Variants in IL17RA observed in about 807,000 individuals in gnomAD.
The protein encoded by IL17RA is interleukin-17 receptor A.
A neutral mutation model predicts 50.4 loss-of-function variants in IL17RA; 34 were observed. The observed-to-expected ratio is 0.67, with a 90% CI of 0.51 to 0.90. The LOEUF (loss-of-function observed/expected upper bound fraction) is 0.90, where lower values mean the gene tolerates loss of function less well. Ranked by LOEUF, IL17RA falls within the 40% of genes least tolerant of loss-of-function variation. The pLI is 0.00. For synonymous variants in IL17RA, 585 were observed against 510.4 expected (o/e 1.15, Z -1.97); for missense variants, 1,276 against 1,169.8 (o/e 1.09, Z -1.32).
rs540914818 is a variant in IL17RA, at chr22:17,096,437, G to A, written c.139-625G>A. Among the ~76,000 whole-genome samples the A allele has an allele frequency of 3.9e-5, 6 of 152,160 alleles. No homozygotes were observed. The South Asian group carries it at 8.3e-4, about 21-fold the overall frequency. On this transcript the variant is annotated intron_variant, in intron 1 of 12. Transcript: ENST00000319363. ...GTAAATATTGCCCTTCACCCCTTCC[G>A]CACCTCTTGCAGCAGTGTTATCCAG...
rs370875549 is a variant in IL17RA at position 17,105,848 on chromosome 22, C to A, written c.944-5C>A. The A allele has an allele frequency of 3.1e-6, 5 of 1,611,882 alleles. No homozygotes were observed. The South Asian group carries it at 5.5e-5, about 18-fold the overall frequency. On this transcript the variant is annotated splice_polypyrimidine_tract_variant and splice_region_variant and intron_variant, in intron 10 of 12. Transcript: ENST00000319363. ...GCATCACTCACGCTGTTCTGCTCAC[C>A]GCAGACTACATGCCCCTGTGGGTGT...
intron 1 of IL17RA, among the ~76,000 whole-genome samples, chr22:17,094,264 C>T (rs1230949333): frequency 6.6e-5 from 10 of 151,956 alleles, no homozygotes; most frequent in Non-Finnish European, 1.2e-4. Flanking sequence ...TGGGATTACA[C>T]GCATGAGCCA....
intron 1 of IL17RA, among the ~76,000 whole-genome samples, chr22:17,096,163 T>A (rs1193404717): frequency 6.6e-6 from 1 of 152,156 alleles, no homozygotes; most frequent in Non-Finnish European, 1.5e-5. Flanking sequence ...TGGTTACATT[T>A]CCCTGGTAGC....
chr22:17,106,907 C>T (rs1451781081), intron 11 of IL17RA, among the ~76,000 whole-genome samples: 2 of 152,112 alleles, frequency 1.3e-5, no homozygotes, highest in African/African-American at 2.4e-5. Flanking sequence ...TTCTGTTTTC[C>T]GAAGTGTCCT....
At chr22:17,099,004 C>G (rs931800741) in intron 4 of IL17RA, 117 bp downstream of exon 4, 4 of 836,350 alleles carry the variant, frequency 4.8e-6, no homozygotes, top group Non-Finnish European at 8.1e-6. Flanking sequence ...CTGAGGGAGT[C>G]TGTGGAATTC....
chr22:17,106,668 C>T (rs561313983), intron 11 of IL17RA, among the ~76,000 whole-genome samples: 11 of 152,268 alleles, frequency 7.2e-5, no homozygotes, highest in African/African-American at 1.7e-4. Flanking sequence ...CTGCTCCTTC[C>T]GTCATCTGGG....
rs2123786576 is a variant in IL17RA at position 17,085,114 on chromosome 22, C to T, written c.23C>T (p.Pro8Leu). 1.8e-5 allele frequency: 25 copies of T among 1,382,378 alleles called. No homozygotes were observed. Among genetic ancestry groups the T allele is most frequent in the East Asian group, 3.0e-5 (1 of 32,798 alleles). 85.6% of individuals were successfully genotyped at this position (1,382,378 alleles called of 1,614,324 possible). Residue 8 changes from proline to leucine, a missense_variant, in exon 1 of 13, where the codon CCG (proline) becomes CTG (leucine). Physicochemically the swap from Pro to Leu is moderately conservative, Grantham distance 98. Coordinates refer to ENST00000319363, the MANE Select transcript of IL17RA (RefSeq NM_014339.7). Reference protein sequence around the residue: MGAARSPPSAVPGPLLGL... With the variant: MGAARSPLSAVPGPLLGL... ...GCCATGGGGGCCGCACGCAGCCCGC[C>T]GTCCGCTGTCCCGGGGCCCCTGCTG...
rs1568925946 is a variant in IL17RA at position 17,112,941 on chromosome 22, TC to T, written c.*3124del. 6.6e-6 allele frequency: 1 copy of T among 150,796 alleles called. No individual in the cohort carries two copies. Among genetic ancestry groups the T allele is most frequent in the African/African-American group, 2.4e-5 (1 of 41,022 alleles). 9.3% of individuals were successfully genotyped at this position (150,796 alleles called of 1,614,324 possible). ...ACGCAGCCACCAACAAGCTCCCAAC[TC>T]CCGCGTAGAGTTTCATGACTTTTTC... On this transcript the variant is annotated 3_prime_UTR_variant, in exon 13 of 13. Coordinates refer to ENST00000319363, the MANE Select transcript of IL17RA (RefSeq NM_014339.7).
chr22:17,090,465 G>A (rs5748863), intron 1 of IL17RA, among the ~76,000 whole-genome samples: 81,753 of 151,932 alleles, frequency 0.54, 24,048 homozygotes, highest in Middle Eastern at 0.76. Flanking sequence ...GTCAAGTTAC[G>A]TATGGTGATC....
At chr22:17,089,306 T>C (rs1411162182) in intron 1 of IL17RA, among the ~76,000 whole-genome samples, 2 of 152,230 alleles carry the variant, frequency 1.3e-5, no homozygotes, top group African/African-American at 4.8e-5. Context: ...ATGCCAGCTC[T>C]GTGGGACCTT....
At chr22:17,085,338 G>T in intron 1 of IL17RA, 109 bp downstream of exon 1, 1 of 1,500,916 alleles carries the variant, frequency 6.7e-7, no homozygotes, top group Non-Finnish European at 8.9e-7. Context: ...GAGGCAGGAA[G>T]TCCGCGCCGC....
chr22:17,101,997 CTG>C lies in IL17RA; in HGVS notation c.555_556del (p.Cys185Ter). 1.2e-6 allele frequency: 2 copies of C among 1,614,236 alleles called. No individual in the cohort carries two copies. The highest frequency in any genetic ancestry group is 1.7e-6 in the Non-Finnish European group (2 of 1,180,044). On this transcript the variant is annotated frameshift_variant and splice_region_variant, in exon 6 of 13. Transcript: ENST00000319363. LOFTEE classifies it high-confidence loss of function. ...GTTTCCTTTTTTCTGGGTCGACAGA[CTG>C]TGAGCACGCCAGGATGAAGGTAACC... is the stretch of plus-strand genomic sequence containing the variant. ...HQSKNFLVPD[C>X]EHARMKVTTP...
chr22:17,094,652 A>ACT (rs1307011752), intron 1 of IL17RA, among the ~76,000 whole-genome samples: 13 of 17,752 alleles, frequency 7.3e-4, no homozygotes, highest in African/African-American at 3.9e-3. Context: ...TTAGTCATAC[A>ACT]CACACTCTCT....
chr22:17,092,169 C>T (rs1409678529), intron 1 of IL17RA, among the ~76,000 whole-genome samples: 2 of 152,138 alleles, frequency 1.3e-5, no homozygotes, highest in African/African-American at 2.4e-5. Context: ...TCCATAAAAA[C>T]GGGGTTCAGA....
In IL17RA at chr22:17,108,387, C is replaced by G. The variant is rs528982481; in HGVS notation, c.1168C>G (p.Leu390Val). Reference sequence around the variant, plus strand: ...GATCATCTACTCAGCCGACCACCCCCTCTACGTGGACGTGGTCCTGAAATT... The same window carrying G: ...GATCATCTACTCAGCCGACCACCCCGTCTACGTGGACGTGGTCCTGAAATT... ...VWIIYSADHP[L>V]YVDVVLKFAQ... Residue 390 changes from leucine (L) to valine (V), a missense_variant, in exon 13 of 13, where the codon CTC (leucine) becomes GTC (valine). Coordinates refer to ENST00000319363, the MANE Select transcript of IL17RA (RefSeq NM_014339.7). The G allele has an allele frequency of 3.1e-6, 5 of 1,613,958 alleles. No individual in the cohort carries two copies. The highest frequency in any genetic ancestry group is 2.2e-5 in the East Asian group (1 of 44,892).
chr22:17,107,331 C>A (rs1396566482), intron 11 of IL17RA, among the ~76,000 whole-genome samples: 1 of 152,200 alleles, frequency 6.6e-6, no homozygotes, highest in African/African-American at 2.4e-5. Context: ...TAATGAGGAA[C>A]CAGAATGGAC....
chr22:17,111,515 C>A lies in IL17RA; in HGVS notation c.*1695C>A, dbSNP rs1462196417. On this transcript the variant is annotated 3_prime_UTR_variant, in exon 13 of 13. Transcript: ENST00000319363. ...CAGCATTTGAAAAGAGGCTCTGAAG[C>A]CAGTGTTTGAAGAATTTGTTCCTGA... is the stretch of plus-strand genomic sequence containing the variant. 6.6e-6 allele frequency: 1 copy of A among 152,140 alleles called. No individual in the cohort carries two copies. The highest frequency in any genetic ancestry group is 2.4e-5 in the African/African-American group (1 of 41,422). 9.4% of individuals were successfully genotyped at this position (152,140 alleles called of 1,614,324 possible).
At position 17,102,302 on chromosome 22, in the gene IL17RA, G is replaced by A. The variant is rs1369717782; in HGVS notation, c.762G>A (p.Ala254=). 6 of 1,614,092 alleles carry A rather than the reference G, an allele frequency of 3.7e-6. No individual in the cohort carries two copies. Among genetic ancestry groups the A allele is most frequent in the East Asian group, 2.2e-5 (1 of 44,872 alleles). Residue 254 remains alanine, a splice_region_variant and synonymous_variant, in exon 7 of 13, where the codon GCG becomes GCA. Coordinates refer to ENST00000319363, the MANE Select transcript of IL17RA (RefSeq NM_014339.7). ...SCFEHMHHIP[A]PRPEEFHQRS... ...TTGAGCACATGCACCACATACCTGC[G>A]GTAACTCTGCTCTTTTTGACCCCTC... is the stretch of plus-strand genomic sequence containing the variant.
chr22:17,098,808 C>T lies in IL17RA; in HGVS notation c.344C>T (p.Ser115Phe). The change falls in exon 4 of 13, where the codon TCT becomes TTT. Residue 115 changes from serine to phenylalanine, a missense_variant. Transcript: ENST00000319363. The stretch of plus-strand genomic sequence containing the variant: ...CTGTACCTCGAGGGTGCAGAGTTAT[C>T]TGTCCTGCAGCTGAACACCAATGAA... ...SILYLEGAEL[S>F]VLQLNTNERL... is the part of the protein sequence containing the mutation. 1 of 1,614,244 alleles carries T rather than the reference C, an allele frequency of 6.2e-7. No homozygotes were observed. The highest frequency in any genetic ancestry group is 8.5e-7 in the Non-Finnish European group (1 of 1,180,034).
Sources: allele counts gnomAD v4.1 joint callset (sites outside exome capture counted in the v4.1 genomes callset), GRCh38; gene constraint gnomAD v4.1.1; transcripts MANE v1.5; gene names NCBI Gene and HGNC (gene_info 2026-07-23, HGNC 2026-07-21).